The following PON2 variants were observed in gnomAD, a reference collection of about 807,000 sequenced individuals.
PON2 encodes paraoxonase 2.
PON2 carries 27 observed loss-of-function variants against 36.6 expected under a neutral mutation model. The observed-to-expected ratio is 0.74, with a 90% CI of 0.54 to 1.02. The LOEUF is 1.02. Ranked by LOEUF, PON2 falls within the 50% of genes least tolerant of loss-of-function variation. The pLI, the probability that PON2 is intolerant of heterozygous loss-of-function variation, is 0.00. For missense variants in PON2, 363 were observed against 421.1 expected, an observed-to-expected ratio of 0.86 and a Z score of 1.21; for synonymous variants, 149 against 156.3, an observed-to-expected ratio of 0.95 and a Z score of 0.35.
Position 95,434,782 on chromosome 7 carries a change from G to A in PON2, c.74+96C>T, listed in dbSNP as rs886637568. 46 of 1,384,484 alleles carry A rather than the reference G, an allele frequency of 3.3e-5. No homozygotes were observed. The South Asian group carries it at 3.5e-4, about 11-fold the overall frequency. The allele number at this position is 1,384,484 out of a possible 1,614,324, so 85.8% of individuals were successfully genotyped here. A position where few individuals can be genotyped will look rare whatever the true frequency, so the allele number is the denominator to read the frequency against. On this transcript the variant is annotated intron_variant, in intron 1 of 8. Coordinates refer to ENST00000222572, the MANE Select transcript of PON2 (RefSeq NM_000305.3). The stretch of plus-strand genomic sequence containing the variant: ...ACCCCCGGCCGCAGGGCCAGGTCCC[G>A]CAGGAATCCCTCCCCCAGCCTGCGC...
chr7:95,430,960 C>A (rs537017080), intron 1 of PON2, among the ~76,000 whole-genome samples: 1 of 150,808 alleles, frequency 6.6e-6, no homozygotes, highest in African/African-American at 2.4e-5. Context: ...CACATAGCTT[C>A]TTGTGGGAAT....
chr7:95,430,588 C>T (rs575922516), intron 1 of PON2, among the ~76,000 whole-genome samples: 135 of 151,894 alleles, frequency 8.9e-4, no homozygotes, highest in Middle Eastern at 6.8e-3. Context: ...AATGAGCCAC[C>T]GTGCCCGGCC....
chr7:95,419,055 T>C (rs1789134778), intron 2 of PON2, among the ~76,000 whole-genome samples: 1 of 152,210 alleles, frequency 6.6e-6, no homozygotes, highest in Non-Finnish European at 1.5e-5. Context: ...ATTACTACAC[T>C]AAAAATTCAC....
intron 2 of PON2, among the ~76,000 whole-genome samples, chr7:95,417,690 G>GC (rs1554339518): frequency 3.2e-5 from 3 of 93,878 alleles, no homozygotes; most frequent in South Asian, 4.5e-4. Flanking sequence ...TGTACACACA[G>GC]ACACACACAC....
Position 95,411,784 on chromosome 7 carries a change from AGAATT to A in PON2, c.368-10_368-6del, listed in dbSNP as rs776065159. ...CAAAGAGATAAACTGTGTCATCTAA[AGAATT>A]GAAAGAACAGAGTTAATTTACAAGA... is the stretch of plus-strand genomic sequence containing the variant. On this transcript the variant is annotated splice_region_variant and splice_polypyrimidine_tract_variant and intron_variant, in intron 4 of 8. Transcript: ENST00000222572. 6.2e-7 allele frequency: 1 copy of A among 1,613,264 alleles called. No individual in the cohort carries two copies. The highest frequency in any genetic ancestry group is 1.1e-5 in the South Asian group (1 of 91,044).
At chr7:95,416,869 A>C (rs1342018738) in intron 2 of PON2, among the ~76,000 whole-genome samples, 7 of 152,206 alleles carry the variant, frequency 4.6e-5, no homozygotes, top group African/African-American at 1.2e-4. Context: ...GCAGAAGAAA[A>C]TTAATGAAAA....
At position 95,415,943 on chromosome 7, in the gene PON2, A is replaced by C. The variant is rs79712701; in HGVS notation, c.201+299T>G. 1.0e-3 allele frequency: 432 copies of C among 414,836 alleles called. 1 individual carries two copies. Among genetic ancestry groups the C allele is most frequent in the African/African-American group, 8.2e-3 (403 of 49,244 alleles). 25.7% of individuals were successfully genotyped at this position (414,836 alleles called of 1,614,324 possible). On this transcript the variant is annotated intron_variant, in intron 3 of 8. Coordinates refer to ENST00000222572, the MANE Select transcript of PON2 (RefSeq NM_000305.3). ...CTCCAGCCGGGGCAACCAGAACAAG[A>C]CTCCGTCTCAAAAAATAAAAAAAAT...
At chr7:95,432,821 G>A (rs922057372) in intron 1 of PON2, among the ~76,000 whole-genome samples, 7 of 152,070 alleles carry the variant, frequency 4.6e-5, no homozygotes, top group Non-Finnish European at 7.4e-5. Flanking sequence ...GCCACCACAC[G>A]CTTCCTCTTT....
chr7:95,409,858 C>G (rs1017967879), intron 6 of PON2, 43 bp downstream of exon 6: 1 of 1,589,708 alleles, frequency 6.3e-7, no homozygotes, highest in South Asian at 1.1e-5. Flanking sequence ...TTGGCCAGCA[C>G]CACAACTGAA....
chr7:95,411,853 A>G (rs1562786178), intron 4 of PON2, 74 bp from the exon 5 acceptor site: 1 of 1,499,246 alleles, frequency 6.7e-7, no homozygotes, highest in Admixed American at 1.7e-5. Flanking sequence ...TGACATTTAA[A>G]TACCACAGGC....
chr7:95,409,834 G>T, intron 6 of PON2, 67 bp downstream of exon 6: 1 of 1,404,174 alleles, frequency 7.1e-7, no homozygotes, highest in Non-Finnish European at 1.0e-6. Context: ...GACAAAGAAA[G>T]CAAAGTAAAG....
rs1254571812 is a variant in PON2 at position 95,406,992 on chromosome 7, A to T, written c.772T>A (p.Leu258Met). The stretch of plus-strand genomic sequence containing the variant: ...TGTAAAAATAAATATTTTACCTTCA[A>T]CTGAGTTAAATTCATATTAGTGTGT... ...EKHTNMNLTQ[L>M]KVLELDTLVD... Residue 258 changes from leucine (L) to methionine (M), a missense_variant, in exon 7 of 9, where the codon TTG (leucine) becomes ATG (methionine). Coordinates refer to ENST00000222572, the MANE Select transcript of PON2 (RefSeq NM_000305.3). 4 of 1,530,538 alleles carry T rather than the reference A, an allele frequency of 2.6e-6. No individual in the cohort carries two copies. In the South Asian group the frequency reaches 3.4e-5, roughly 13 times the overall value. The allele number at this position is 1,530,538 out of a possible 1,614,324, so 94.8% of individuals were successfully genotyped here.
At chr7:95,427,174 G>T (rs868222341) in intron 1 of PON2, among the ~76,000 whole-genome samples, 1 of 152,060 alleles carries the variant, frequency 6.6e-6, no homozygotes, top group Non-Finnish European at 1.5e-5. Flanking sequence ...GAAAATGAAG[G>T]TTTTGCCTTT....
intron 3 of PON2, among the ~76,000 whole-genome samples, chr7:95,413,458 A>G (rs1329874997): frequency 6.6e-6 from 1 of 152,240 alleles, no homozygotes; most frequent in African/African-American, 2.4e-5. Context: ...CTTCACCATC[A>G]AGAATGATGT....
At chr7:95,406,011 T>A (rs1809677357) in intron 8 of PON2, 108 bp downstream of exon 8, 1 of 1,302,004 alleles carries the variant, frequency 7.7e-7, no homozygotes, top group African/African-American at 1.5e-5. Flanking sequence ...AAGCTTATTA[T>A]ATTATTGCTT....
At chr7:95,423,720 G>A (rs935991476) in intron 2 of PON2, among the ~76,000 whole-genome samples, 7 of 152,212 alleles carry the variant, frequency 4.6e-5, no homozygotes, top group East Asian at 1.9e-4. Context: ...ACATCAGTCC[G>A]TTCTCAGGCT....
chr7:95,410,323 C>A (rs1012879040), intron 5 of PON2, among the ~76,000 whole-genome samples: 1 of 152,110 alleles, frequency 6.6e-6, no homozygotes, highest in African/African-American at 2.4e-5. Context: ...GGTCATTTAG[C>A]AATTATGGCA....
chr7:95,411,676 T>A lies in PON2; in HGVS notation c.471A>T (p.Thr157=), dbSNP rs373501020. 1 of 1,614,026 alleles carries A rather than the reference T, an allele frequency of 6.2e-7. No individual in the cohort carries two copies. Among genetic ancestry groups the A allele is most frequent in the South Asian group, 1.1e-5 (1 of 91,068 alleles). ...EAENSLLHLK[T]VKHELLPSVN... ...ACCTTGGAAGAAGCTCATGTTTGAC[T>A]GTTTTCAGATGCAACAGAGAATTTT... is the stretch of plus-strand genomic sequence containing the variant. The change falls in exon 5 of 9, where the codon ACA becomes ACT. Residue 157 remains threonine, a synonymous_variant. Coordinates refer to ENST00000222572, the MANE Select transcript of PON2 (RefSeq NM_000305.3).
chr7:95,409,859 C>T (rs780933941), intron 6 of PON2, 42 bp downstream of exon 6: 1 of 1,591,482 alleles, frequency 6.3e-7, no homozygotes, highest in Non-Finnish European at 8.6e-7. Context: ...TGGCCAGCAC[C>T]ACAACTGAAG....
Sources: allele counts gnomAD v4.1 joint callset (sites outside exome capture counted in the v4.1 genomes callset), GRCh38; gene constraint gnomAD v4.1.1; transcripts MANE v1.5; gene names NCBI Gene and HGNC (gene_info 2026-07-23, HGNC 2026-07-21).